Variants in KCNIP4 observed in about 807,000 individuals in gnomAD.
KCNIP4 encodes potassium voltage-gated channel interacting protein 4, also known as Kv channel-interacting protein 4.
In KCNIP4, 12 loss-of-function variants were observed where a neutral mutation model predicts 34.0. The ratio of observed to expected loss-of-function variants is 0.35; its 90% confidence interval spans 0.23 to 0.57. The LOEUF is 0.57. KCNIP4 is among the 20% of genes least tolerant of loss of function. KCNIP4 has a pLI of 0.83. For missense variants in KCNIP4, 238 were observed against 311.7 expected (o/e 0.76, Z 1.78); for synonymous variants, 124 against 102.2 (o/e 1.21, Z -1.29).
rs556857553 is a variant in KCNIP4 at position 21,666,971 on chromosome 4, A to G, written c.61+281600T>C. Reference sequence around the variant, plus strand: ...GCAAGAAGTAGAAGGAGAAATAGACAACCATTCAAAAATGTTTTAAAAAAT... The same window carrying G: ...GCAAGAAGTAGAAGGAGAAATAGACGACCATTCAAAAATGTTTTAAAAAAT... On this transcript the variant is annotated intron_variant, in intron 1 of 8. Coordinates refer to ENST00000382152, the MANE Select transcript of KCNIP4 (RefSeq NM_025221.6). 2.0e-5 allele frequency among the ~76,000 whole-genome samples: 3 copies of G among 152,350 alleles called. No homozygotes were observed. In the East Asian group the frequency reaches 5.8e-4, roughly 29 times the overall value.
At chr4:21,598,402 TA>T (rs2109112928) in intron 1 of KCNIP4, among the ~76,000 whole-genome samples, 1 of 152,236 alleles carries the variant, frequency 6.6e-6, no homozygotes, top group East Asian at 1.9e-4. Context: ...TTGCAAGTCA[TA>T]CAGTCTCTGA....
Position 21,648,691 on chromosome 4 carries a change from T to A in KCNIP4, c.61+299880A>T, listed in dbSNP as rs925399222. ...TTATTTGCCAAAATTTTCATTCACATATAGATCATTTCAAGAGGAAATCAG... is the reference window on the plus strand; with the variant it reads ...TTATTTGCCAAAATTTTCATTCACAAATAGATCATTTCAAGAGGAAATCAG... On this transcript the variant is annotated intron_variant, in intron 1 of 8. Transcript: ENST00000382152. Among the ~76,000 whole-genome samples the A allele has an allele frequency of 2.6e-5, 4 of 152,126 alleles. No homozygotes were observed. In the East Asian group the frequency reaches 7.7e-4, roughly 29 times the overall value.
intron 1 of KCNIP4, among the ~76,000 whole-genome samples, chr4:21,002,748 T>A (rs1258520354): frequency 1.3e-5 from 2 of 152,112 alleles, no homozygotes; most frequent in Non-Finnish European, 2.9e-5. Flanking sequence ...TTGGGAAGTA[T>A]AAACTAAAGG....
intron 1 of KCNIP4, among the ~76,000 whole-genome samples, chr4:21,102,119 C>T (rs912551884): frequency 6.6e-6 from 1 of 152,096 alleles, no homozygotes; most frequent in South Asian, 2.1e-4. Context: ...GTGACAAAGA[C>T]AATGTAATAC....
At chr4:21,792,190 AT>A (rs1720339402) in intron 1 of KCNIP4, among the ~76,000 whole-genome samples, 1 of 151,584 alleles carries the variant, frequency 6.6e-6, no homozygotes, top group African/African-American at 2.4e-5. Context: ...CATAAACCGT[AT>A]CTGTCTTATC....
intron 1 of KCNIP4, among the ~76,000 whole-genome samples, chr4:21,791,057 G>A (rs1369465317): frequency 6.7e-6 from 1 of 150,192 alleles, no homozygotes; most frequent in Non-Finnish European, 1.5e-5. Flanking sequence ...CTTAGTTTAA[G>A]GGGCAATAAC....
chr4:21,913,244 G>A (rs547769500), intron 1 of KCNIP4, among the ~76,000 whole-genome samples: 2 of 152,220 alleles, frequency 1.3e-5, no homozygotes, highest in East Asian at 3.9e-4. Flanking sequence ...GGAGGCTGAG[G>A]CAAGAGGATT....
intron 1 of KCNIP4, among the ~76,000 whole-genome samples, chr4:21,097,914 G>A (rs781334627): frequency 7.2e-5 from 11 of 152,078 alleles, no homozygotes; most frequent in Admixed American, 5.9e-4. Context: ...TAGGACTCTT[G>A]GGCCAAACAG....
At chr4:20,995,910 A>G (rs570445699) in intron 1 of KCNIP4, among the ~76,000 whole-genome samples, 2 of 152,306 alleles carry the variant, frequency 1.3e-5, no homozygotes, top group African/African-American at 4.8e-5. Flanking sequence ...AAGTCCAAGG[A>G]AAAACATTAG....
chr4:21,220,347 G>A (rs555696462), intron 1 of KCNIP4, among the ~76,000 whole-genome samples: 24 of 152,200 alleles, frequency 1.6e-4, no homozygotes, highest in Admixed American at 1.0e-3. Context: ...CAATAAGAAC[G>A]AGGTTCAGGA....
intron 3 of KCNIP4, among the ~76,000 whole-genome samples, chr4:20,841,138 A>G (rs1474703666): frequency 6.6e-6 from 1 of 152,240 alleles, no homozygotes; most frequent in Non-Finnish European, 1.5e-5. Flanking sequence ...CAAAAAAGCA[A>G]ATTAACAGCA....
chr4:20,772,308 C>T (rs1157346454), intron 3 of KCNIP4, among the ~76,000 whole-genome samples: 2 of 152,128 alleles, frequency 1.3e-5, no homozygotes, highest in Non-Finnish European at 2.9e-5. Flanking sequence ...TTGTTCAACA[C>T]GTATTCATAT....
chr4:20,912,743 A>G (rs1177823059), intron 1 of KCNIP4, among the ~76,000 whole-genome samples: 1 of 152,226 alleles, frequency 6.6e-6, no homozygotes, highest in Non-Finnish European at 1.5e-5. Flanking sequence ...AGGTTTATCC[A>G]AAGAAGATAT....
intron 1 of KCNIP4, among the ~76,000 whole-genome samples, chr4:21,541,664 A>T (rs140714317): frequency 5.9e-4 from 90 of 152,210 alleles, no homozygotes; most frequent in Non-Finnish European, 9.9e-4. Context: ...TCTTTTCAAG[A>T]CAGGGTCTCA....
chr4:20,871,187 A>T (rs1207984501), intron 2 of KCNIP4, among the ~76,000 whole-genome samples: 2 of 152,116 alleles, frequency 1.3e-5, no homozygotes, highest in Admixed American at 1.3e-4. Flanking sequence ...TACAATGGAC[A>T]TTAGAATGAA....
intron 1 of KCNIP4, among the ~76,000 whole-genome samples, chr4:21,451,334 C>T (rs1022661298): frequency 7.2e-5 from 11 of 152,094 alleles, no homozygotes; most frequent in African/African-American, 2.7e-4. Flanking sequence ...AAAATATGAT[C>T]ACAGACTCAA....
intron 1 of KCNIP4, among the ~76,000 whole-genome samples, chr4:21,288,697 G>A (rs1383926457): frequency 6.6e-6 from 1 of 152,094 alleles, no homozygotes; most frequent in Non-Finnish European, 1.5e-5. Context: ...TCAGATGATT[G>A]CGTCAGAATC....
At chr4:21,047,276 T>G (rs1742515138) in intron 1 of KCNIP4, among the ~76,000 whole-genome samples, 1 of 152,216 alleles carries the variant, frequency 6.6e-6, no homozygotes, top group Non-Finnish European at 1.5e-5. Flanking sequence ...AGCAGAAAGT[T>G]GAAGACTATG....
intron 1 of KCNIP4, among the ~76,000 whole-genome samples, chr4:21,499,330 C>CAAAAAAAAAAAAAAAAAAAAA (rs527385773): frequency 4.1e-5 from 4 of 98,248 alleles, no homozygotes; most frequent in African/African-American, 1.6e-4. Context: ...GACTCCATCT[C>CAAAAAAAAAAAAAAAAAAAAA]AAAAAAAAAA....
Sources: gnomAD v4.1 joint callset for allele counts (sites outside exome capture counted in the v4.1 genomes callset) on GRCh38, gnomAD v4.1.1 for gene constraint, MANE v1.5 for transcripts, NCBI Gene and HGNC (gene_info 2026-07-23, HGNC 2026-07-21) for gene names.